Variants in SYTL2 observed in about 807,000 individuals in gnomAD.
The protein encoded by SYTL2 is synaptotagmin-like protein 2.
In SYTL2, 165 loss-of-function variants were observed where a neutral mutation model predicts 198.7. The ratio of observed to expected loss-of-function variants is 0.83; its 90% CI spans 0.73 to 0.94. The LOEUF (loss-of-function observed/expected upper bound fraction) is 0.94, where lower values mean the gene tolerates loss of function less well. Among genes scored for constraint, SYTL2 ranks in the 40% least tolerant of loss-of-function variants. SYTL2 has a pLI of 0.00. For missense variants in SYTL2, 2,835 were observed against 2,582.8 expected, an observed-to-expected ratio of 1.10 and a Z score of -2.12; for synonymous variants, 966 against 917.7, an observed-to-expected ratio of 1.05 and a Z score of -0.95.
chr11:85,800,835 C>T (rs1056969990), intron 1 of SYTL2, among the ~76,000 whole-genome samples: 2 of 152,212 alleles, frequency 1.3e-5, no homozygotes, highest in Non-Finnish European at 2.9e-5. Flanking sequence ...TGGCTCCTGG[C>T]CACACATTAT....
the SYTL2 span, among the ~76,000 whole-genome samples, chr11:85,845,923 AT>A: frequency 1.4e-4 from 21 of 152,294 alleles, no homozygotes; most frequent in African/African-American, 4.1e-4. Context: ...TCAAAAAAAA[AT>A]AATAATAAAA....
chr11:85,764,085 TG>T (rs934953011), intron 1 of SYTL2, among the ~76,000 whole-genome samples: 1 of 152,238 alleles, frequency 6.6e-6, no homozygotes, highest in Non-Finnish European at 1.5e-5. Context: ...TGGTTGGACT[TG>T]CCCCTAAGTT....
At chr11:85,797,148 G>A (rs1296589659) in intron 1 of SYTL2, among the ~76,000 whole-genome samples, 1 of 152,236 alleles carries the variant, frequency 6.6e-6, no homozygotes, top group East Asian at 1.9e-4. Flanking sequence ...AGGACTACAG[G>A]TGTGCAGCTC....
the SYTL2 span, among the ~76,000 whole-genome samples, chr11:85,841,858 G>T: frequency 6.6e-6 from 1 of 152,170 alleles, no homozygotes; most frequent in Non-Finnish European, 1.5e-5. Context: ...TGATTTATGT[G>T]AATTCAGATG....
chr11:85,807,599 T>C (rs1183863978), intron 1 of SYTL2, among the ~76,000 whole-genome samples: 1 of 152,222 alleles, frequency 6.6e-6, no homozygotes, highest in Non-Finnish European at 1.5e-5. Flanking sequence ...GCTGGGGCAA[T>C]GACTTTCTCC....
rs2089345239 is a variant in SYTL2, at chr11:85,727,582, G to C, written c.1776C>G (p.Phe592Leu). The C allele has an allele frequency of 1.3e-6, 2 of 1,536,098 alleles. No individual in the cohort carries two copies. The highest frequency in any genetic ancestry group is 4.9e-5 in the East Asian group (2 of 40,902). Reference protein sequence around the residue: ...ELKPVRSDSPFQAEGDMLVSE... With the variant: ...ELKPVRSDSPLQAEGDMLVSE... Reference sequence around the variant, plus strand: ...AAACCAGCATATCTCCCTCTGCTTGGAATGGTGAGTCAGATCTCACAGGCT... The same window carrying C: ...AAACCAGCATATCTCCCTCTGCTTGCAATGGTGAGTCAGATCTCACAGGCT... Residue 592 changes from phenylalanine (F) to leucine (L), a missense_variant, in exon 8 of 20, where the codon TTC becomes TTG. Phe to Leu is a conservative substitution (Grantham distance 22). Around this residue, in one of 3 missense-constraint regions of SYTL2, gnomAD observed 2,645 missense variants for 2,381.7 expected, o/e 1.11. Coordinates refer to ENST00000359152, the MANE Select transcript of SYTL2 (RefSeq NM_206927.4).
chr11:85,794,207 C>A (rs956571417), intron 1 of SYTL2, among the ~76,000 whole-genome samples: 1 of 151,694 alleles, frequency 6.6e-6, no homozygotes, highest in Admixed American at 6.6e-5. Flanking sequence ...GAGACAGGGC[C>A]TCTTTCTGTC....
the SYTL2 span, among the ~76,000 whole-genome samples, chr11:85,818,688 T>TCTATCTATCTACCTAC: frequency 1.3e-5 from 2 of 151,090 alleles, no homozygotes; most frequent in African/African-American, 4.9e-5. Flanking sequence ...TATCTATCTA[T>TCTATCTATCTACCTAC]CTACCTATCT....
intron 14 of SYTL2, 55 bp downstream of exon 14, chr11:85,709,276 T>C: frequency 1.9e-6 from 3 of 1,555,012 alleles, no homozygotes. Context: ...CCAATTCCTG[T>C]AAGATTGACA....
In SYTL2 at chr11:85,811,115, G is replaced by T. The variant is rs1446829463; in HGVS notation, c.-551C>A. 6.6e-6 allele frequency: 1 copy of T among 152,198 alleles called. No individual in the cohort carries two copies. The highest frequency in any genetic ancestry group is 1.5e-5 in the Non-Finnish European group (1 of 68,030). The allele number at this position is 152,198 out of a possible 1,614,324, so 9.4% of individuals were successfully genotyped here. ...CTTCACTCTCCCGACGGACGCTGGC[G>T]GCACGGCCCGGGTGTCGCCCGGCAC... On this transcript the variant is annotated 5_prime_UTR_variant, in exon 1 of 20. Transcript: ENST00000359152.
At chr11:85,853,370 G>A in the SYTL2 span, 8 of 441,336 alleles carry the variant, frequency 1.8e-5, no homozygotes, top group Admixed American at 1.2e-4. Flanking sequence ...CCCCCAACCC[G>A]GTGCTCTCTG....
chr11:85,700,497 T>C lies in SYTL2; in HGVS notation c.6268+18A>G, dbSNP rs758053264. The C allele has an allele frequency of 6.3e-7, 1 of 1,593,050 alleles. No homozygotes were observed. The highest frequency in any genetic ancestry group is 8.6e-7 in the Non-Finnish European group (1 of 1,160,910). Reference sequence around the variant, plus strand: ...GATAAGGAAAGGACATAAATCTGAATAGAAAGTCATTACATACCAGGGACT... The same window carrying C: ...GATAAGGAAAGGACATAAATCTGAACAGAAAGTCATTACATACCAGGGACT... On this transcript the variant is annotated intron_variant, in intron 17 of 19. Transcript: ENST00000359152.
At chr11:85,813,843 C>A (rs1189420203), upstream of SYTL2, among the ~76,000 whole-genome samples, 1 of 152,146 alleles carries the variant, frequency 6.6e-6, no homozygotes, top group African/African-American at 2.4e-5. Context: ...CCACCTCAGC[C>A]TTCCAGGTAG....
intron 1 of SYTL2, among the ~76,000 whole-genome samples, chr11:85,777,629 TC>T (rs201901123): frequency 1.4e-5 from 2 of 138,080 alleles, no homozygotes; most frequent in Admixed American, 7.4e-5. Context: ...TGGGATTTAA[TC>T]CCCCCCCAAC....
rs143659546 is a variant in SYTL2, at chr11:85,696,354, G to A, written c.6403C>T (p.Gln2135Ter). The change falls in exon 19 of 20, where the codon CAG becomes TAG. Residue 2135 changes from glutamine (Q) to a stop codon, truncating the protein, a stop_gained. Transcript: ENST00000359152. LOFTEE classifies it high-confidence loss of function. Reference protein sequence around the residue: ...ILPDTSRKSRQKTRAVGKTTN... With the variant: ...ILPDTSRKSR ...GTTTTCCCTACAGCTCTTGTCTTCT[G>A]GCGACTTTTCCTACTTGTATCTGGA... 1 of 1,613,806 alleles carries A rather than the reference G, an allele frequency of 6.2e-7. No individual in the cohort carries two copies. Among genetic ancestry groups the A allele is most frequent in the African/African-American group, 1.3e-5 (1 of 74,908 alleles).
intron 1 of SYTL2, among the ~76,000 whole-genome samples, chr11:85,758,678 CA>C (rs2091987352): frequency 6.6e-6 from 1 of 152,152 alleles, no homozygotes; most frequent in Non-Finnish European, 1.5e-5. Context: ...TTTCATTTCT[CA>C]GGGGAAAAAC....
intron 1 of SYTL2, among the ~76,000 whole-genome samples, chr11:85,793,326 T>C (rs999171379): frequency 5.3e-5 from 8 of 152,164 alleles, no homozygotes; most frequent in African/African-American, 1.7e-4. Flanking sequence ...CCATTCTAAC[T>C]GGTGTGAGAT....
At chr11:85,824,006 T>C in the SYTL2 span, among the ~76,000 whole-genome samples, 1 of 152,148 alleles carries the variant, frequency 6.6e-6, no homozygotes, top group Non-Finnish European at 1.5e-5. Flanking sequence ...GACTTTAACT[T>C]TGAATTAAAG....
chr11:85,839,272 CTTA>C, the SYTL2 span, among the ~76,000 whole-genome samples: 1 of 152,136 alleles, frequency 6.6e-6, no homozygotes, highest in East Asian at 1.9e-4. Context: ...AATAGCAAGT[CTTA>C]TTCACTCTTT....
Sources: allele counts gnomAD v4.1 joint callset (sites outside exome capture counted in the v4.1 genomes callset), GRCh38; gene constraint gnomAD v4.1.1; regional missense constraint gnomAD v4.1.1; transcripts MANE v1.5; gene names NCBI Gene and HGNC (gene_info 2026-07-23, HGNC 2026-07-21).